The following RBAK variants were observed in gnomAD, a reference collection of about 807,000 sequenced individuals.
The protein encoded by RBAK is RB-associated KRAB zinc finger protein.
Under a neutral mutation model 65.8 loss-of-function variants are expected in RBAK, and 39 were observed. That is an observed-to-expected ratio of 0.59 (90% CI 0.46 to 0.77). RBAK has a LOEUF of 0.77. Ranked by LOEUF, RBAK falls within the 30% of genes least tolerant of loss-of-function variation. RBAK has a pLI of 0.00. For missense variants in RBAK, 884 were observed against 855.1 expected, an observed-to-expected ratio of 1.03 and a Z score of -0.42; for synonymous variants, 343 against 289.7, an observed-to-expected ratio of 1.18 and a Z score of -1.87.
intron 2 of RBAK, among the ~76,000 whole-genome samples, chr7:5,055,984 G>C (rs1363219040): frequency 6.6e-6 from 1 of 152,064 alleles, no homozygotes; most frequent in East Asian, 1.9e-4. Context: ...CCTGCTTACT[G>C]GGCACTTCCT....
At position 5,064,983 on chromosome 7, in the gene RBAK, A is replaced by G. The variant is rs1779180276; in HGVS notation, c.1527A>G (p.Lys509=). Residue 509 remains lysine (K), a synonymous_variant, in exon 5 of 5, where the codon AAA becomes AAG. Coordinates refer to ENST00000396912, the MANE Select transcript of RBAK (RefSeq NM_021163.4). The surrounding 1 kb of genome is among the most constrained non-coding windows in gnomAD (Gnocchi z 6.3). ...TDHHTAHLEE[K]PYECNECGKT... ...ATCATACAGCTCATTTAGAAGAGAA[A>G]CCCTATGAATGTAATGAATGTGGGA... 6.2e-7 allele frequency: 1 copy of G among 1,614,056 alleles called. No individual in the cohort carries two copies. The highest frequency in any genetic ancestry group is 1.3e-5 in the African/African-American group (1 of 75,036).
At position 5,064,085 on chromosome 7, in the gene RBAK, G is replaced by T. The variant is rs1779153382; in HGVS notation, c.629G>T (p.Cys210Phe). ...GAGAAACCCTTTGAATATAATGAAT[G>T]CATGGAAGCCTTAGACAATGAGGCT... ...ILEKPFEYNECMEALDNEAVF... is the reference protein window; with the variant it reads ...ILEKPFEYNEFMEALDNEAVF... The change falls in exon 5 of 5, where the codon TGC becomes TTC. Residue 210 changes from cysteine (C) to phenylalanine (F), a missense_variant. Physicochemically the swap from Cys to Phe is radical, Grantham distance 205 (BLOSUM62 -2). Coordinates refer to ENST00000396912, the MANE Select transcript of RBAK (RefSeq NM_021163.4). This position sits in a 1 kb window ranked among gnomAD's most constrained non-coding sequence, Gnocchi z 6.3. The T allele has an allele frequency of 3.1e-6, 5 of 1,613,748 alleles. No individual in the cohort carries two copies. Among genetic ancestry groups the T allele is most frequent in the African/African-American group, 1.3e-5 (1 of 74,902 alleles).
At chr7:5,054,319 C>T (rs559717376) in intron 2 of RBAK, among the ~76,000 whole-genome samples, 14 of 151,352 alleles carry the variant, frequency 9.2e-5, no homozygotes, top group African/African-American at 3.2e-4. Context: ...GCAGGAGAAT[C>T]GCTGGAACCC....
rs1779101237 is a variant in RBAK, at chr7:5,062,465, T to G, written c.239-1230T>G. 2.0e-5 allele frequency among the ~76,000 whole-genome samples: 3 copies of G among 152,248 alleles called. No homozygotes were observed. The South Asian group carries it at 6.2e-4, about 32-fold the overall frequency. On this transcript the variant is annotated intron_variant, in intron 4 of 4. Coordinates refer to ENST00000396912, the MANE Select transcript of RBAK (RefSeq NM_021163.4). ...ACAGGTGTGGGTCACAGAGATCACA[T>G]ACTTCACAAGGTAATAGAATATCAC...
At position 5,048,566 on chromosome 7, in the gene RBAK, A is replaced by G. The variant is rs1159308300; in HGVS notation, c.15+475A>G. On this transcript the variant is annotated intron_variant, in intron 2 of 4. Transcript: ENST00000396912. The surrounding 1 kb of genome is among the most constrained non-coding windows in gnomAD (Gnocchi z 4.4). ...GATCAGCACCAAAAATGATTTGTGA[A>G]GCTTGTATGTGTGGATAGTAGATTT... is the stretch of plus-strand genomic sequence containing the variant. 3.3e-5 allele frequency among the ~76,000 whole-genome samples: 5 copies of G among 152,226 alleles called. No homozygotes were observed. The highest frequency in any genetic ancestry group is 9.6e-5 in the African/African-American group (4 of 41,458).
At chr7:5,055,528 G>A (rs1019555324) in intron 2 of RBAK, among the ~76,000 whole-genome samples, 1 of 151,926 alleles carries the variant, frequency 6.6e-6, no homozygotes, top group African/African-American at 2.4e-5. Context: ...CTTCTTTGCT[G>A]TGTTATAGTG....
intron 2 of RBAK, among the ~76,000 whole-genome samples, chr7:5,055,521 C>G (rs1788209500): frequency 6.6e-6 from 1 of 151,820 alleles, no homozygotes; most frequent in Non-Finnish European, 1.5e-5. Context: ...GATTTTTCTT[C>G]TTTGCTGTGT....
chr7:5,064,999 G>C lies in RBAK; in HGVS notation c.1543G>C (p.Glu515Gln). The change falls in exon 5 of 5, where the codon GAA (glutamate) becomes CAA (glutamine). Residue 515 changes from glutamate to glutamine, a missense_variant. Transcript: ENST00000396912. The surrounding 1 kb of genome is among the most constrained non-coding windows in gnomAD (Gnocchi z 6.3). ...AGAAGAGAAACCCTATGAATGTAAT[G>C]AATGTGGGAAAACCTTCCTTGTAAA... ...HLEEKPYECN[E>Q]CGKTFLVNSA... 6.2e-7 allele frequency: 1 copy of C among 1,613,994 alleles called. No homozygotes were observed. Among genetic ancestry groups the C allele is most frequent in the Non-Finnish European group, 8.5e-7 (1 of 1,179,940 alleles).
At position 5,066,186 on chromosome 7, in the gene RBAK, TTTC is replaced by T. The variant is rs1168704938; in HGVS notation, c.*588_*590del. On this transcript the variant is annotated 3_prime_UTR_variant, in exon 5 of 5. Transcript: ENST00000396912. ...ATTGGATGACTTGTGAAGAGGCAGT[TTTC>T]TTATTTGAGTATTAGGATGGCAAAA... 1 of 152,592 alleles carries T rather than the reference TTTC, an allele frequency of 6.6e-6. No homozygotes were observed. The highest frequency in any genetic ancestry group is 2.4e-5 in the African/African-American group (1 of 41,446). 9.5% of individuals were successfully genotyped at this position (152,592 alleles called of 1,614,324 possible).
intron 2 of RBAK, among the ~76,000 whole-genome samples, chr7:5,055,903 A>G (rs953770233): frequency 1.3e-5 from 2 of 151,852 alleles, no homozygotes; most frequent in African/African-American, 2.4e-5. Flanking sequence ...TGGGATCTAC[A>G]TGGTCCTAGC....
intron 2 of RBAK, 197 bp from the exon 3 acceptor site, chr7:5,057,098 A>G: frequency 5.0e-6 from 1 of 199,974 alleles, no homozygotes; most frequent in Non-Finnish European, 9.0e-6. Context: ...ATATATATTT[A>G]TATATATTAT....
intron 4 of RBAK, among the ~76,000 whole-genome samples, chr7:5,060,697 G>T (rs954030066): frequency 6.6e-6 from 1 of 152,236 alleles, no homozygotes; most frequent in Non-Finnish European, 1.5e-5. Context: ...GCATAGCCTA[G>T]GCTTCCAGGA....
rs1779157603 is a variant in RBAK at position 5,064,188 on chromosome 7, G to T, written c.732G>T (p.Gln244His). The T allele has an allele frequency of 6.2e-7, 1 of 1,613,868 alleles. No individual in the cohort carries two copies. The highest frequency in any genetic ancestry group is 1.7e-5 in the Admixed American group (1 of 59,976). Residue 244 changes from glutamine to histidine, a missense_variant, in exon 5 of 5, where the codon CAG (glutamine) becomes CAT (histidine). By Grantham distance (24) the Gln-to-His change is conservative. Coordinates refer to ENST00000396912, the MANE Select transcript of RBAK (RefSeq NM_021163.4). This position sits in a 1 kb window ranked among gnomAD's most constrained non-coding sequence, Gnocchi z 6.3. Reference protein sequence around the residue: ...EWNDSGPDFIQMSNFNAYQRS... With the variant: ...EWNDSGPDFIHMSNFNAYQRS... Reference sequence around the variant, plus strand: ...ATGATTCTGGACCAGACTTCATACAGATGTCAAATTTTAATGCATATCAGA... The same window carrying T: ...ATGATTCTGGACCAGACTTCATACATATGTCAAATTTTAATGCATATCAGA...
rs772203103 is a variant in RBAK at position 5,065,079 on chromosome 7, T to C, written c.1623T>C (p.Cys541=). Reference sequence around the variant, plus strand: ...CAAAAGGGGAGAAATCCTATGAATGTAATGTATGTGGAAAGTTATTCAATG... The same window carrying C: ...CAAAAGGGGAGAAATCCTATGAATGCAATGTATGTGGAAAGTTATTCAATG... ...PLPKGEKSYE[C]NVCGKLFNEL... is the part of the protein sequence containing the mutation. Residue 541 remains cysteine, a synonymous_variant, in exon 5 of 5, where the codon TGT becomes TGC. Coordinates refer to ENST00000396912, the MANE Select transcript of RBAK (RefSeq NM_021163.4). This position sits in a 1 kb window ranked among gnomAD's most constrained non-coding sequence, Gnocchi z 5.3. 6.2e-7 allele frequency: 1 copy of C among 1,614,042 alleles called. No individual in the cohort carries two copies. The highest frequency in any genetic ancestry group is 8.5e-7 in the Non-Finnish European group (1 of 1,179,960).
chr7:5,057,615 A>C (rs572782798), intron 3 of RBAK, 69 bp from the exon 4 acceptor site: 1 of 1,604,612 alleles, frequency 6.2e-7, no homozygotes, highest in Non-Finnish European at 8.5e-7. Context: ...TGAGGTGGCA[A>C]CATCTTGTAC....
intron 2 of RBAK, among the ~76,000 whole-genome samples, chr7:5,053,492 C>G (rs1264600702): frequency 6.6e-6 from 1 of 151,970 alleles, no homozygotes; most frequent in African/African-American, 2.4e-5. Flanking sequence ...TTGGGGATCA[C>G]TGAACTTCTT....
Position 5,045,893 on chromosome 7 carries a change from C to T in RBAK, c.-548C>T, listed in dbSNP as rs1410612910. The T allele has an allele frequency of 1.2e-5, 4 of 347,820 alleles. No individual in the cohort carries two copies. The highest frequency in any genetic ancestry group is 4.4e-5 in the Admixed American group (1 of 22,884). The allele number at this position is 347,820 out of a possible 1,614,324, so 21.5% of individuals were successfully genotyped here. Reference sequence around the variant, plus strand: ...CGCTTCCTGTGCGTCCTCAGGTCACCGCTTGCTCTAGTTCCCAGGCTTTGG... The same window carrying T: ...CGCTTCCTGTGCGTCCTCAGGTCACTGCTTGCTCTAGTTCCCAGGCTTTGG... On this transcript the variant is annotated 5_prime_UTR_variant, in exon 1 of 5. Coordinates refer to ENST00000396912, the MANE Select transcript of RBAK (RefSeq NM_021163.4).
At chr7:5,062,989 G>A (rs758781086) in intron 4 of RBAK, among the ~76,000 whole-genome samples, 1 of 152,084 alleles carries the variant, frequency 6.6e-6, no homozygotes, top group Non-Finnish European at 1.5e-5. Context: ...TCTACAATTT[G>A]TGCAGTTAAC....
At chr7:5,046,705 G>A (rs1464761207) in intron 1 of RBAK, among the ~76,000 whole-genome samples, 4 of 152,168 alleles carry the variant, frequency 2.6e-5, no homozygotes, top group Non-Finnish European at 4.4e-5. Flanking sequence ...CTAAACGTCC[G>A]TCAGCGCCTC....
Sources: allele counts gnomAD v4.1 joint callset (sites outside exome capture counted in the v4.1 genomes callset), GRCh38; gene constraint gnomAD v4.1.1; non-coding constraint Gnocchi (gnomAD v3.1); transcripts MANE v1.5; gene names NCBI Gene and HGNC (gene_info 2026-07-23, HGNC 2026-07-21).